The following CSPP1 variants were observed in gnomAD, a reference collection of about 807,000 sequenced individuals.
CSPP1 encodes the protein centrosome and spindle pole-associated protein 1.
Under a neutral mutation model 164.4 loss-of-function variants are expected in CSPP1, and 126 were observed. The ratio of observed to expected loss-of-function variants is 0.77; its 90% CI spans 0.66 to 0.89. The LOEUF is 0.89. CSPP1 is among the 40% of genes least tolerant of loss of function. The pLI, the probability that CSPP1 is intolerant of heterozygous loss-of-function variation, is 0.00. For synonymous variants in CSPP1, 472 were observed against 476.7 expected (o/e 0.99, Z 0.13); for missense variants, 1,395 against 1,449.8 (o/e 0.96, Z 0.61).
intron 15 of CSPP1, among the ~76,000 whole-genome samples, chr8:67,125,950 A>G (rs1005279516): frequency 2.6e-5 from 4 of 152,166 alleles, no homozygotes; most frequent in Non-Finnish European, 4.4e-5. Context: ...GTCCTGCCTC[A>G]GCCTCCTGAG....
rs1825358020 is a variant in CSPP1 at position 67,149,911 on chromosome 8, G to T, written c.2104G>T (p.Glu702Ter). ...NLATSNAENL[E>*]DAANKSSGHM... ...AGCCACTTCAAATGCTGAGAACCTA[G>T]AAGATGCTGCAAATAAAAGCTCAGG... Residue 702 changes from glutamate (E) to a stop codon, truncating the protein, a stop_gained, in exon 18 of 31, where the codon GAA (glutamate) becomes TAA (stop). Transcript: ENST00000678616. LOFTEE classifies it high-confidence loss of function. 4 of 1,557,408 alleles carry T rather than the reference G, an allele frequency of 2.6e-6. No individual in the cohort carries two copies. The highest frequency in any genetic ancestry group is 3.5e-6 in the Non-Finnish European group (4 of 1,157,742).
chr8:67,119,685 A>G (rs1238408004), intron 15 of CSPP1, among the ~76,000 whole-genome samples: 1 of 152,088 alleles, frequency 6.6e-6, no homozygotes, highest in Non-Finnish European at 1.5e-5. Flanking sequence ...CCATTTGTAT[A>G]TCATCTTTGG....
chr8:67,181,338 AT>A (rs58029238), intron 28 of CSPP1, among the ~76,000 whole-genome samples: 9,339 of 112,640 alleles, frequency 0.083, 334 homozygotes, highest in African/African-American at 0.094. Flanking sequence ...GTACCTGGCC[AT>A]TTTTTTTTTT....
intron 10 of CSPP1, among the ~76,000 whole-genome samples, chr8:67,113,397 T>C (rs754369436): frequency 3.3e-5 from 5 of 152,174 alleles, no homozygotes; most frequent in Non-Finnish European, 7.4e-5. Context: ...TTTAACATCA[T>C]TTTTAAAAAA....
At chr8:67,072,887 A>G (rs115256088) in intron 1 of CSPP1, among the ~76,000 whole-genome samples, 6,723 of 150,132 alleles carry the variant, frequency 0.045, 240 homozygotes, top group African/African-American at 0.088. Context: ...AAAAAAAAAA[A>G]AAAGAAAGAA....
intron 22 of CSPP1, among the ~76,000 whole-genome samples, chr8:67,162,310 A>G (rs1401476171): frequency 1.3e-5 from 2 of 152,218 alleles, no homozygotes; most frequent in Non-Finnish European, 2.9e-5. Context: ...CGTGGAGAGC[A>G]ATGTAAGCTC....
intron 10 of CSPP1, among the ~76,000 whole-genome samples, chr8:67,113,529 G>A (rs796757635): frequency 1.4e-4 from 21 of 151,972 alleles, no homozygotes; most frequent in African/African-American, 5.1e-4. Flanking sequence ...TTTTATTTTT[G>A]TGTTTTATTT....
At position 67,115,974 on chromosome 8, in the gene CSPP1, G is replaced by A. The variant is rs1563597144; in HGVS notation, c.1348G>A (p.Glu450Lys). The change falls in exon 13 of 31, where the codon GAA becomes AAA. Residue 450 changes from glutamate to lysine, a missense_variant. Physicochemically the swap from Glu to Lys is moderately conservative, Grantham distance 56 (BLOSUM62 1). Coordinates refer to ENST00000678616, the MANE Select transcript of CSPP1 (RefSeq NM_001382391.1). ...PRHFEEMIPP[E>K]RPRIAFQTPL... is the part of the protein sequence containing the mutation. ...ACACTTTGAAGAGATGATACCACCT[G>A]AAAGACCCAGAATAGCTTTCCAGAC... 1.2e-6 allele frequency: 2 copies of A among 1,613,888 alleles called. No homozygotes were observed.
intron 14 of CSPP1, 62 bp downstream of exon 14, chr8:67,118,431 T>C (rs1308457467): frequency 1.3e-6 from 2 of 1,543,532 alleles, no homozygotes; most frequent in Non-Finnish European, 8.9e-7. Flanking sequence ...AATTGTTTTT[T>C]TGTGTAAACA....
chr8:67,137,509 T>C lies in CSPP1; in HGVS notation c.1881T>C (p.Tyr627=). 5 of 1,578,404 alleles carry C rather than the reference T, an allele frequency of 3.2e-6. No homozygotes were observed. The highest frequency in any genetic ancestry group is 4.3e-6 in the Non-Finnish European group (5 of 1,155,584). ...AAGAACGTGAAGAAAAAGAAGAATA[T>C]GAAGCTAAATTAGAAGCTGAAATGA... The part of the protein sequence containing the change: ...RKKEREEKEE[Y]EAKLEAEMRT... Residue 627 remains tyrosine (Y), a synonymous_variant, in exon 17 of 31, where the codon TAT becomes TAC. Coordinates refer to ENST00000678616, the MANE Select transcript of CSPP1 (RefSeq NM_001382391.1).
intron 27 of CSPP1, among the ~76,000 whole-genome samples, 174 bp downstream of exon 27, chr8:67,177,900 C>G (rs1832080200): frequency 6.6e-6 from 1 of 152,062 alleles, no homozygotes; most frequent in East Asian, 1.9e-4. Flanking sequence ...ATATAGAAAA[C>G]ATATTGTAAT....
At chr8:67,131,739 T>TAAAGTG (rs1427795747) in intron 15 of CSPP1, among the ~76,000 whole-genome samples, 1 of 152,220 alleles carries the variant, frequency 6.6e-6, no homozygotes, top group East Asian at 1.9e-4. Flanking sequence ...AAGAAATAGA[T>TAAAGTG]ACAGTGAATT....
rs763870417 is a variant in CSPP1 at position 67,137,490 on chromosome 8, G to A, written c.1862G>A (p.Arg621His). Residue 621 changes from arginine (R) to histidine (H), a missense_variant, in exon 17 of 31, where the codon CGT becomes CAT. Transcript: ENST00000678616. ...REREERRKKE[R>H]EEKEEYEAKL... The stretch of plus-strand genomic sequence containing the variant: ...AGAGAAGAAAGAAGGAAGAAAGAAC[G>A]TGAAGAAAAAGAAGAATATGAAGCT... The A allele has an allele frequency of 5.2e-6, 8 of 1,544,284 alleles. No homozygotes were observed. Among genetic ancestry groups the A allele is most frequent in the African/African-American group, 4.1e-5 (3 of 72,416 alleles).
rs11296619 is a variant in CSPP1, at chr8:67,149,947, CTTTTT to C, written c.2128+32_2128+36del. The C allele has an allele frequency of 5.4e-3, 6,080 of 1,129,998 alleles. No individual in the cohort carries two copies. Among genetic ancestry groups the C allele is most frequent in the South Asian group, 0.016 (708 of 45,250 alleles). The allele number at this position is 1,129,998 out of a possible 1,614,324, so 70.0% of individuals were successfully genotyped here. The stretch of plus-strand genomic sequence containing the variant: ...AAATAAAAGCTCAGGTTTTTAATCA[CTTTTT>C]TTTTTTTTTTTTTTTTTTTACATTT... On this transcript the variant is annotated intron_variant, in intron 18 of 30. Transcript: ENST00000678616.
Position 67,105,994 on chromosome 8 carries a change from A to G in CSPP1, c.1093+19A>G, listed in dbSNP as rs777874264. ...CTCTTTGGTAGGCACAAAACTTCCA[A>G]CTAGTTGCGCTTGTATAGAGTGTCT... On this transcript the variant is annotated intron_variant, in intron 9 of 30. Transcript: ENST00000678616. 7.4e-7 allele frequency: 1 copy of G among 1,347,518 alleles called. No individual in the cohort carries two copies. Among genetic ancestry groups the G allele is most frequent in the East Asian group, 2.3e-5 (1 of 43,626 alleles). 83.5% of individuals were successfully genotyped at this position (1,347,518 alleles called of 1,614,324 possible). A position where few individuals can be genotyped will look rare whatever the true frequency, so the allele number is the denominator to read the frequency against.
chr8:67,070,872 G>A (rs1585803300), intron 1 of CSPP1, among the ~76,000 whole-genome samples: 2 of 151,580 alleles, frequency 1.3e-5, no homozygotes, highest in East Asian at 3.9e-4. Context: ...TCCTGCCTCA[G>A]CTTCCCCAAT....
At chr8:67,094,582 A>C (rs751520891) in intron 6 of CSPP1, among the ~76,000 whole-genome samples, 32 of 151,960 alleles carry the variant, frequency 2.1e-4, no homozygotes, top group Non-Finnish European at 4.6e-4. Flanking sequence ...ACAGAAAGGT[A>C]AAATTTTCTT....
intron 8 of CSPP1, among the ~76,000 whole-genome samples, chr8:67,105,345 A>C (rs1030183785): frequency 1.3e-5 from 2 of 151,898 alleles, no homozygotes; most frequent in Non-Finnish European, 2.9e-5. Context: ...TTTATTTGAG[A>C]ACCTATACAG....
chr8:67,163,153 A>T (rs1828699462), intron 22 of CSPP1, among the ~76,000 whole-genome samples: 1 of 152,166 alleles, frequency 6.6e-6, no homozygotes. Context: ...GGGTCACTTG[A>T]TGACTTTGGT....
Sources: allele counts gnomAD v4.1 joint callset (sites outside exome capture counted in the v4.1 genomes callset), GRCh38; gene constraint gnomAD v4.1.1; transcripts MANE v1.5; gene names NCBI Gene and HGNC (gene_info 2026-07-23, HGNC 2026-07-21).